The following CMC1 variants were observed in gnomAD, a reference collection of about 807,000 sequenced individuals.
CMC1 encodes C-X9-C motif containing 1, also known as COX assembly mitochondrial protein homolog.
Under a neutral mutation model 14.1 loss-of-function variants are expected in CMC1, and 14 were observed. That is an observed-to-expected ratio of 0.99 (90% confidence interval 0.66 to 1.55). CMC1 has a LOEUF of 1.55. Among genes scored for constraint, CMC1 ranks in the 40% most tolerant of loss-of-function variants. The pLI, the probability that CMC1 is intolerant of heterozygous loss-of-function variation, is 0.00. For missense variants in CMC1, 127 were observed against 123.8 expected, an observed-to-expected ratio of 1.03 and a Z score of -0.12; for synonymous variants, 50 against 38.4, an observed-to-expected ratio of 1.30 and a Z score of -1.12.
At chr3:28,308,631 G>T (rs1702457756) in intron 2 of CMC1, among the ~76,000 whole-genome samples, 1 of 152,138 alleles carries the variant, frequency 6.6e-6, no homozygotes, top group South Asian at 2.1e-4. Flanking sequence ...ATTTTTGGAG[G>T]CCTCTAAGAA....
At chr3:28,315,214 A>T (rs1702837089) in intron 2 of CMC1, 1 of 152,232 alleles carries the variant, frequency 6.6e-6, no homozygotes, top group African/African-American at 2.4e-5. Flanking sequence ...TGTGTAAGGG[A>T]TAAGACAGGA....
chr3:28,309,942 CA>C (rs2125597791), intron 2 of CMC1, among the ~76,000 whole-genome samples: 1 of 5,768 alleles, frequency 1.7e-4, no homozygotes, highest in Non-Finnish European at 3.3e-4. Flanking sequence ...TGACGTCCAC[CA>C]CACACACACA....
At chr3:28,253,408 C>G (rs1699232803) in intron 1 of CMC1, among the ~76,000 whole-genome samples, 1 of 152,036 alleles carries the variant, frequency 6.6e-6, no homozygotes, top group African/African-American at 2.4e-5. Context: ...GAGATCCCAT[C>G]TCTATAAAGT....
At chr3:28,263,453 A>G in intron 2 of CMC1, 73 bp downstream of exon 2, 1 of 931,502 alleles carries the variant, frequency 1.1e-6, no homozygotes, top group Non-Finnish European at 1.6e-6. Context: ...CCTTAGCCCC[A>G]GAATCAAGTA....
intron 2 of CMC1, among the ~76,000 whole-genome samples, chr3:28,270,529 A>G (rs1188265464): frequency 6.6e-6 from 1 of 151,864 alleles, no homozygotes; most frequent in African/African-American, 2.4e-5. Flanking sequence ...GCTTTTTTTC[A>G]TGTTTGTTGG....
intron 1 of CMC1, among the ~76,000 whole-genome samples, chr3:28,261,539 G>T (rs4502545): frequency 6.6e-6 from 1 of 152,028 alleles, no homozygotes; most frequent in Non-Finnish European, 1.5e-5. Context: ...TTTGTAGCTG[G>T]TGGGACTCTA....
chr3:28,318,035 A>G (rs1703008909), intron 3 of CMC1: 1 of 151,814 alleles, frequency 6.6e-6, no homozygotes. Context: ...GTAAATGGAA[A>G]ATTATTAGGG....
At chr3:28,287,920 T>C (rs1384029951) in intron 2 of CMC1, among the ~76,000 whole-genome samples, 1 of 152,000 alleles carries the variant, frequency 6.6e-6, no homozygotes, top group Non-Finnish European at 1.5e-5. Context: ...TGCTGTCCAG[T>C]ATATTAGCCA....
At chr3:28,256,047 A>T (rs1699387477) in intron 1 of CMC1, among the ~76,000 whole-genome samples, 1 of 152,142 alleles carries the variant, frequency 6.6e-6, no homozygotes, top group Admixed American at 6.5e-5. Flanking sequence ...TGTGTGTCTT[A>T]CACATGCACA....
chr3:28,319,160 C>A, intron 3 of CMC1: 1 of 440,744 alleles, frequency 2.3e-6, no homozygotes, highest in Non-Finnish European at 4.5e-6. Flanking sequence ...AACCTCTGCC[C>A]TCCCCATTTC....
rs113491263 is a variant in CMC1 at position 28,299,783 on chromosome 3, G to A, written c.110-16550G>A. Among the ~76,000 whole-genome samples the A allele has an allele frequency of 4.4e-3, 663 of 152,086 alleles. 6 individuals are homozygous for A. The highest frequency in any genetic ancestry group is 0.017 in the Middle Eastern group (5 of 294). Reference sequence around the variant, plus strand: ...TTATGTTCAACATTGCAAGAAGAAAGTGAGCAATTCAGAAGTATTTTAATG... The same window carrying A: ...TTATGTTCAACATTGCAAGAAGAAAATGAGCAATTCAGAAGTATTTTAATG... On this transcript the variant is annotated intron_variant, in intron 2 of 3. Coordinates refer to ENST00000466830, the MANE Select transcript of CMC1 (RefSeq NM_182523.2).
rs545324584 is a variant in CMC1, at chr3:28,284,430, G to A, written c.109+21050G>A. ...CAGGCTAAATCAGTGATCCTCAAAC[G>A]TTCATTGTACTTCAGAATTATCTAG... On this transcript the variant is annotated intron_variant, in intron 2 of 3. Coordinates refer to ENST00000466830, the MANE Select transcript of CMC1 (RefSeq NM_182523.2). Among the ~76,000 whole-genome samples the A allele has an allele frequency of 9.9e-5, 15 of 152,184 alleles. No homozygotes were observed. In the East Asian group the frequency reaches 1.2e-3, roughly 12 times the overall value.
intron 1 of CMC1, among the ~76,000 whole-genome samples, chr3:28,244,137 G>A (rs1026969843): frequency 1.3e-5 from 2 of 152,222 alleles, no homozygotes; most frequent in Middle Eastern, 3.2e-3. Context: ...AAGGCTGGCT[G>A]TGATAATAAA....
At chr3:28,309,584 G>A (rs1437367310) in intron 2 of CMC1, among the ~76,000 whole-genome samples, 1 of 151,802 alleles carries the variant, frequency 6.6e-6, no homozygotes, top group African/African-American at 2.4e-5. Flanking sequence ...TCTGCCACAG[G>A]TTTAAATGTT....
intron 2 of CMC1, among the ~76,000 whole-genome samples, chr3:28,287,754 C>A (rs950651818): frequency 6.6e-6 from 1 of 151,704 alleles, no homozygotes; most frequent in Non-Finnish European, 1.5e-5. Context: ...TTTGGAAAAA[C>A]CTCCATTATT....
chr3:28,268,483 A>G (rs1700117251), intron 2 of CMC1, among the ~76,000 whole-genome samples: 2 of 152,196 alleles, frequency 1.3e-5, no homozygotes, highest in South Asian at 4.1e-4. Context: ...TCTCAATAAA[A>G]CATTTGGGAA....
chr3:28,303,849 T>G (rs912070116), intron 2 of CMC1, among the ~76,000 whole-genome samples: 4 of 152,196 alleles, frequency 2.6e-5, no homozygotes, highest in Admixed American at 6.6e-5. Flanking sequence ...GCTGAATGAT[T>G]ATTTTTTACC....
intron 2 of CMC1, among the ~76,000 whole-genome samples, chr3:28,281,826 A>G (rs1358087829): frequency 1.3e-5 from 2 of 152,198 alleles, no homozygotes; most frequent in Non-Finnish European, 2.9e-5. Context: ...GTATAGGGAA[A>G]CTGGAAAAAC....
chr3:28,244,162 T>C (rs1698683691), intron 1 of CMC1, among the ~76,000 whole-genome samples: 1 of 152,242 alleles, frequency 6.6e-6, no homozygotes, highest in Non-Finnish European at 1.5e-5. Context: ...TTGGATTTTT[T>C]CTAATGGCAT....
Sources: allele counts gnomAD v4.1 joint callset (sites outside exome capture counted in the v4.1 genomes callset), GRCh38; gene constraint gnomAD v4.1.1; transcripts MANE v1.5; gene names NCBI Gene and HGNC (gene_info 2026-07-23, HGNC 2026-07-21).